The following GRID2 variants were observed in gnomAD, a reference collection of about 807,000 sequenced individuals.
GRID2 encodes the protein glutamate receptor ionotropic, delta-2.
A neutral mutation model predicts 114.8 loss-of-function variants in GRID2; 33 were observed. The observed-to-expected ratio is 0.29, with a 90% CI of 0.22 to 0.38. GRID2 has a LOEUF of 0.38. Among genes scored for constraint, GRID2 ranks in the 10% least tolerant of loss-of-function variants. The pLI is 1.00. For missense variants in GRID2, 1,184 were observed against 1,257.7 expected (o/e 0.94, Z 0.89); for synonymous variants, 505 against 449.9 (o/e 1.12, Z -1.55).
chr4:93,372,502 C>T (rs1763025486), intron 8 of GRID2, among the ~76,000 whole-genome samples: 1 of 152,062 alleles, frequency 6.6e-6, no homozygotes, highest in African/African-American at 2.4e-5. Context: ...ATTCTCTACC[C>T]CTTAAGCTTC....
At chr4:92,928,205 A>G (rs1363460209) in intron 2 of GRID2, among the ~76,000 whole-genome samples, 1 of 151,686 alleles carries the variant, frequency 6.6e-6, no homozygotes, top group South Asian at 2.1e-4. Context: ...AATTCCCACT[A>G]ACTACAGCTG....
At chr4:92,842,133 G>A (rs1474714139) in intron 2 of GRID2, among the ~76,000 whole-genome samples, 1 of 152,068 alleles carries the variant, frequency 6.6e-6, no homozygotes, top group East Asian at 1.9e-4. Context: ...ATTCATTATA[G>A]TGATGTAGCC....
At chr4:92,541,564 A>G (rs548379337) in intron 1 of GRID2, among the ~76,000 whole-genome samples, 4 of 152,226 alleles carry the variant, frequency 2.6e-5, no homozygotes, top group African/African-American at 7.2e-5. Flanking sequence ...TATTAAAGCC[A>G]GTACTATTTA....
At chr4:93,152,384 G>A (rs1290081764) in intron 4 of GRID2, among the ~76,000 whole-genome samples, 3 of 152,080 alleles carry the variant, frequency 2.0e-5, no homozygotes, top group African/African-American at 7.2e-5. Flanking sequence ...AGCAGAGGTG[G>A]TTGTTTACTC....
intron 12 of GRID2, among the ~76,000 whole-genome samples, chr4:93,492,495 A>T (rs1727114289): frequency 6.6e-6 from 1 of 151,842 alleles, no homozygotes; most frequent in Non-Finnish European, 1.5e-5. Context: ...GTTTTAGAGA[A>T]CACAAGAAGA....
At chr4:92,692,069 T>C (rs1242192133) in intron 2 of GRID2, among the ~76,000 whole-genome samples, 2 of 152,176 alleles carry the variant, frequency 1.3e-5, no homozygotes, top group Non-Finnish European at 2.9e-5. Flanking sequence ...TACTGGTTAC[T>C]ATTCCAATTT....
chr4:93,685,901 T>C (rs1487847918), intron 14 of GRID2, among the ~76,000 whole-genome samples: 4 of 151,974 alleles, frequency 2.6e-5, no homozygotes, highest in Non-Finnish European at 5.9e-5. Context: ...CTGTATGTTC[T>C]CAGCCTCCTT....
chr4:92,601,350 C>T (rs1377256819), intron 2 of GRID2, among the ~76,000 whole-genome samples: 3 of 152,062 alleles, frequency 2.0e-5, no homozygotes, highest in Non-Finnish European at 4.4e-5. Context: ...CAACAGTGAA[C>T]TCATATTCAA....
intron 9 of GRID2, among the ~76,000 whole-genome samples, chr4:93,401,941 T>G (rs11938992): frequency 0.23 from 34,416 of 148,116 alleles, 5,637 homozygotes; most frequent in African/African-American, 0.47. Flanking sequence ...TTTTTTTTTA[T>G]GGAGATTGTG....
At chr4:93,737,157 A>G (rs1182642847) in intron 14 of GRID2, among the ~76,000 whole-genome samples, 1 of 152,120 alleles carries the variant, frequency 6.6e-6, no homozygotes, top group Non-Finnish European at 1.5e-5. Context: ...AAAAGCTCAA[A>G]GAGTGTTAGT....
chr4:93,423,844 G>A (rs114543292), intron 10 of GRID2, among the ~76,000 whole-genome samples: 1,889 of 151,920 alleles, frequency 0.012, 44 homozygotes, highest in African/African-American at 0.043. Flanking sequence ...GTTGGGTTTA[G>A]GTTTATAACT....
chr4:92,538,288 A>G (rs1260398004), intron 1 of GRID2, among the ~76,000 whole-genome samples: 4 of 152,210 alleles, frequency 2.6e-5, no homozygotes, highest in African/African-American at 9.6e-5. Flanking sequence ...ACTCTTTTCA[A>G]GATTAAAATA....
chr4:93,416,708 C>A (rs1466380194), intron 9 of GRID2, among the ~76,000 whole-genome samples: 1 of 152,066 alleles, frequency 6.6e-6, no homozygotes, highest in Non-Finnish European at 1.5e-5. Context: ...AAGTTGCAAA[C>A]AGTGTTGTAA....
intron 1 of GRID2, among the ~76,000 whole-genome samples, chr4:92,399,689 A>G (rs1297446175): frequency 1.3e-5 from 2 of 150,922 alleles, no homozygotes; most frequent in African/African-American, 4.9e-5. Flanking sequence ...ATATATACAT[A>G]CATGTGTGTT....
chr4:92,702,202 C>G (rs559972987), intron 2 of GRID2: 1 of 152,128 alleles, frequency 6.6e-6, no homozygotes, highest in Non-Finnish European at 1.5e-5. Context: ...AAAGCGCCCT[C>G]GCCCTATAGA....
chr4:93,276,436 G>C (rs554188676), intron 8 of GRID2, among the ~76,000 whole-genome samples: 1 of 151,918 alleles, frequency 6.6e-6, no homozygotes, highest in Non-Finnish European at 1.5e-5. Context: ...TGAGTCTCTT[G>C]CATTTCCATG....
chr4:92,396,465 TATC>T (rs1730496374), intron 1 of GRID2, among the ~76,000 whole-genome samples: 1 of 152,106 alleles, frequency 6.6e-6, no homozygotes, highest in Admixed American at 6.6e-5. Context: ...GAGAATGACT[TATC>T]ATCATCATAC....
intron 14 of GRID2, among the ~76,000 whole-genome samples, chr4:93,731,121 A>G (rs1320065763): frequency 6.6e-6 from 1 of 152,214 alleles, no homozygotes; most frequent in Non-Finnish European, 1.5e-5. Flanking sequence ...GTCCTGATCT[A>G]TGCCTACCTC....
At chr4:93,495,623 G>A (rs1727457020) in intron 12 of GRID2, among the ~76,000 whole-genome samples, 1 of 151,778 alleles carries the variant, frequency 6.6e-6, no homozygotes, top group African/African-American at 2.4e-5. Context: ...GAGGACATGT[G>A]GGAGAGAGAA....
Sources: gnomAD v4.1 joint callset for allele counts (sites outside exome capture counted in the v4.1 genomes callset) on GRCh38, gnomAD v4.1.1 for gene constraint, MANE v1.5 for transcripts, NCBI Gene and HGNC (gene_info 2026-07-23, HGNC 2026-07-21) for gene names.